The following LPAR5 variants were observed in gnomAD, a reference collection of about 807,000 sequenced individuals.
LPAR5 encodes G protein-coupled receptor 92.
For missense variants in LPAR5, 544 were observed against 521.8 expected (o/e 1.04, Z -0.41); for synonymous variants, 271 against 261.6 (o/e 1.04, Z -0.35).
At chr12:6,633,672 C>G (rs1002287939) in intron 1 of LPAR5, among the ~76,000 whole-genome samples, 3 of 152,204 alleles carry the variant, frequency 2.0e-5, no homozygotes, top group African/African-American at 7.2e-5. Context: ...CTCAGCCTCC[C>G]AAAGTGCTGG....
At position 6,621,344 on chromosome 12, in the gene LPAR5, T is replaced by A; in HGVS notation, c.-96A>T. ...ACCTCCGGGGCTGGGGCCTAGAGGC[T>A]GTACAGACATGGTCCCAAAACAAGC... is the stretch of plus-strand genomic sequence containing the variant. On this transcript the variant is annotated 5_prime_UTR_variant, in exon 2 of 2. Coordinates refer to ENST00000329858, the MANE Select transcript of LPAR5 (RefSeq NM_020400.6). The A allele has an allele frequency of 8.2e-7, 1 of 1,216,502 alleles. No individual in the cohort carries two copies. Among genetic ancestry groups the A allele is most frequent in the Non-Finnish European group, 1.1e-6 (1 of 924,818 alleles). The allele number at this position is 1,216,502 out of a possible 1,614,324, so 75.4% of individuals were successfully genotyped here.
chr12:6,630,433 C>CTTTTTTTTTT lies in LPAR5; in HGVS notation c.-217+5464_-217+5473dup, dbSNP rs34529805. 3.1e-4 allele frequency among the ~76,000 whole-genome samples: 13 copies of CTTTTTTTTTT among 41,826 alleles called. 3 individuals are homozygous for CTTTTTTTTTT. The highest frequency in any genetic ancestry group is 1.0e-3 in the African/African-American group (10 of 9,544). The allele number at this position is 41,826 out of a possible 152,430, so 27.4% of individuals were successfully genotyped here. On this transcript the variant is annotated intron_variant, in intron 1 of 1. Transcript: ENST00000329858. ...GAGTGAACCACTGCACCCAGCCCAT[C>CTTTTTTTTTT]TTTTTTTTTTTTTTTTTTTTTTTTT...
chr12:6,623,067 G>T (rs1448064840), intron 1 of LPAR5, among the ~76,000 whole-genome samples: 2 of 152,014 alleles, frequency 1.3e-5, no homozygotes, highest in African/African-American at 2.4e-5. Context: ...GCAAAACCCT[G>T]TCTCTACTAA....
rs1948893881 is a variant in LPAR5 at position 6,621,216 on chromosome 12, A to T, written c.33T>A (p.Ser11=). 2.6e-6 allele frequency: 4 copies of T among 1,520,256 alleles called. No homozygotes were observed. Among genetic ancestry groups the T allele is most frequent in the Non-Finnish European group, 3.5e-6 (4 of 1,133,942 alleles). The allele number at this position is 1,520,256 out of a possible 1,614,324, so 94.2% of individuals were successfully genotyped here. The change falls in exon 2 of 2, where the codon TCT becomes TCA. Residue 11 remains serine, a synonymous_variant. Transcript: ENST00000329858. MLANSSSTNS[S]VLPCPDYRPT... is the part of the protein sequence containing the mutation. Reference sequence around the variant, plus strand: ...GTCGGTAGTCAGGACACGGGAGAACAGAACTGTTGGTTGAGGAGCTGTTGG... The same window carrying T: ...GTCGGTAGTCAGGACACGGGAGAACTGAACTGTTGGTTGAGGAGCTGTTGG...
At position 6,620,472 on chromosome 12, in the gene LPAR5, C is replaced by G. The variant is rs1414509290; in HGVS notation, c.777G>C (p.Leu259=). Residue 259 remains leucine (L), a synonymous_variant, in exon 2 of 2, where the codon CTG becomes CTC. Coordinates refer to ENST00000329858, the MANE Select transcript of LPAR5 (RefSeq NM_020400.6). The surrounding 1 kb of genome is among the most constrained non-coding windows in gnomAD (Gnocchi z 6.8). The part of the protein sequence containing the change: ...PYNSTLAVYG[L]LRSKLVAASV... ...TGGCCGCCACCAGCTTGCTCCGCAG[C>G]AGCCCGTAGACCGCCAGCGTGCTGT... The G allele has an allele frequency of 1.2e-5, 19 of 1,589,558 alleles. No individual in the cohort carries two copies. The highest frequency in any genetic ancestry group is 1.6e-5 in the Non-Finnish European group (19 of 1,168,040).
rs1332374151 is a variant in LPAR5 at position 6,619,538 on chromosome 12, A to C, written c.*592T>G. 5.8e-6 allele frequency: 1 copy of C among 171,176 alleles called. No individual in the cohort carries two copies. The highest frequency in any genetic ancestry group is 2.4e-5 in the African/African-American group (1 of 42,060). 10.6% of individuals were successfully genotyped at this position (171,176 alleles called of 1,614,324 possible). ...TCTAAGTTAGTTTTGCCTTGCCCCA[A>C]CTATCCCATGCTGGATGCCAAGTCT... On this transcript the variant is annotated 3_prime_UTR_variant, in exon 2 of 2. Transcript: ENST00000329858.
intron 1 of LPAR5, among the ~76,000 whole-genome samples, chr12:6,632,857 C>A (rs983659130): frequency 1.3e-5 from 2 of 152,210 alleles, no homozygotes; most frequent in Admixed American, 6.5e-5. Context: ...GGGCCACATT[C>A]TTCCTCAGAG....
At chr12:6,624,246 G>A (rs1275322372) in intron 1 of LPAR5, among the ~76,000 whole-genome samples, 1 of 152,092 alleles carries the variant, frequency 6.6e-6, no homozygotes, top group Non-Finnish European at 1.5e-5. Context: ...GTTTTGCCAA[G>A]TGCTCCCCTA....
chr12:6,623,224 C>G (rs1043054855), intron 1 of LPAR5, among the ~76,000 whole-genome samples: 8 of 150,106 alleles, frequency 5.3e-5, no homozygotes, highest in Non-Finnish European at 1.0e-4. Flanking sequence ...GGTAACAAAA[C>G]GAGACTCCAT....
rs1565385226 is a variant in LPAR5, at chr12:6,620,770, T to G, written c.479A>C (p.His160Pro). 2 of 1,589,244 alleles carry G rather than the reference T, an allele frequency of 1.3e-6. No individual in the cohort carries two copies. Among genetic ancestry groups the G allele is most frequent in the Non-Finnish European group, 1.7e-6 (2 of 1,168,352 alleles). The change falls in exon 2 of 2, where the codon CAC becomes CCC. Residue 160 changes from histidine to proline, a missense_variant. Coordinates refer to ENST00000329858, the MANE Select transcript of LPAR5 (RefSeq NM_020400.6). This position sits in a 1 kb window ranked among gnomAD's most constrained non-coding sequence, Gnocchi z 6.8. ...CCGGTAGCGGCAACGCGAGGGCCTG[T>G]GCACGCGGGCGGCGGGCACGGCAAA... ...LVFAVPAARV[H>P]RPSRCRYRDL...
At chr12:6,630,649 A>C (rs1408500933) in intron 1 of LPAR5, among the ~76,000 whole-genome samples, 1 of 151,354 alleles carries the variant, frequency 6.6e-6, no homozygotes, top group East Asian at 1.9e-4. Context: ...GACAGGTTTC[A>C]CCATATTGGT....
At chr12:6,622,576 C>T (rs1206316669) in intron 1 of LPAR5, among the ~76,000 whole-genome samples, 2 of 146,864 alleles carry the variant, frequency 1.4e-5, no homozygotes, top group Non-Finnish European at 1.5e-5. Flanking sequence ...TGGCAAAATC[C>T]TGTCTCTACT....
At chr12:6,634,861 A>G (rs2136246430) in intron 1 of LPAR5, among the ~76,000 whole-genome samples, 1 of 151,376 alleles carries the variant, frequency 6.6e-6, no homozygotes, top group Non-Finnish European at 1.5e-5. Flanking sequence ...AGGCCGAGGC[A>G]GGTGGATCAT....
Position 6,621,482 on chromosome 12 carries a change from G to A in LPAR5, c.-216-18C>T. The A allele has an allele frequency of 2.3e-6, 1 of 427,178 alleles. No individual in the cohort carries two copies. The highest frequency in any genetic ancestry group is 2.0e-5 in the African/African-American group (1 of 48,926). 26.5% of individuals were successfully genotyped at this position (427,178 alleles called of 1,614,324 possible). ...GCAGAGACCTGGAATAGGAAGGCAA[G>A]CCGGAAGTTATACAGAGACAGGGCT... On this transcript the variant is annotated intron_variant, in intron 1 of 1. Transcript: ENST00000329858.
In LPAR5 at chr12:6,631,197, C is replaced by T. The variant is rs114186096; in HGVS notation, c.-217+4710G>A. 3.4e-3 allele frequency among the ~76,000 whole-genome samples: 523 copies of T among 152,320 alleles called. 4 individuals are homozygous for T. Among genetic ancestry groups the T allele is most frequent in the African/African-American group, 0.012 (500 of 41,546 alleles). ...TCAGGTAAGTATACCACTCATTACA[C>T]GTGTGTGCACAGACACATATACACA... On this transcript the variant is annotated intron_variant, in intron 1 of 1. Coordinates refer to ENST00000329858, the MANE Select transcript of LPAR5 (RefSeq NM_020400.6).
At chr12:6,634,444 C>G (rs1243421962) in intron 1 of LPAR5, among the ~76,000 whole-genome samples, 1 of 151,998 alleles carries the variant, frequency 6.6e-6, no homozygotes, top group African/African-American at 2.4e-5. Flanking sequence ...GAAACCCTGT[C>G]TCTACACAAA....
At chr12:6,632,662 G>T (rs1012480390) in intron 1 of LPAR5, among the ~76,000 whole-genome samples, 3 of 152,172 alleles carry the variant, frequency 2.0e-5, no homozygotes, top group Non-Finnish European at 4.4e-5. Context: ...CAAAGCCTTT[G>T]TGAAAAGCTC....
intron 1 of LPAR5, among the ~76,000 whole-genome samples, chr12:6,627,373 C>T (rs946038343): frequency 1.3e-5 from 2 of 152,128 alleles, no homozygotes; most frequent in African/African-American, 4.8e-5. Context: ...AGGCGTATCA[C>T]GAGGCCAGGA....
chr12:6,620,370 G>C lies in LPAR5; in HGVS notation c.879C>G (p.Asp293Glu). 6.2e-7 allele frequency: 1 copy of C among 1,611,752 alleles called. No homozygotes were observed. The highest frequency in any genetic ancestry group is 8.5e-7 in the Non-Finnish European group (1 of 1,179,334). Residue 293 changes from aspartate to glutamate, a missense_variant, in exon 2 of 2, where the codon GAC becomes GAG. Transcript: ENST00000329858. This position sits in a 1 kb window ranked among gnomAD's most constrained non-coding sequence, Gnocchi z 6.8. Reference protein sequence around the residue: ...VLLAGANCVLDPLVYYFSAEG... With the variant: ...VLLAGANCVLEPLVYYFSAEG... The stretch of plus-strand genomic sequence containing the variant: ...CGGCGCTAAAGTAGTACACCAGCGG[G>C]TCCAGCACGCAGTTGGCGCCGGCCA...
Sources: allele counts gnomAD v4.1 joint callset (sites outside exome capture counted in the v4.1 genomes callset), GRCh38; gene constraint gnomAD v4.1.1; non-coding constraint Gnocchi (gnomAD v3.1); transcripts MANE v1.5; gene names NCBI Gene and HGNC (gene_info 2026-07-23, HGNC 2026-07-21).